The following BRD10 variants were observed in gnomAD, a reference collection of about 807,000 sequenced individuals.
BRD10 encodes uncharacterized bromodomain-containing protein 10.
chr9:5,884,663 T>G, the BRD10 span, among the ~76,000 whole-genome samples: 2 of 152,226 alleles, frequency 1.3e-5, no homozygotes, highest in Non-Finnish European at 1.5e-5. Flanking sequence ...ACCCCCACTG[T>G]ACCCTAGACA....
chr9:5,924,514 G>T, the BRD10 span: 1 of 450,620 alleles, frequency 2.2e-6, no homozygotes. Context: ...CTTCTTATAA[G>T]GATGTGGACA....
chr9:5,994,903 T>TTTTTTTTTC, the BRD10 span, among the ~76,000 whole-genome samples: 1 of 145,512 alleles, frequency 6.9e-6, no homozygotes. Flanking sequence ...TCATTTTTCT[T>TTTTTTTTTC]TTTTTTTTTT....
At chr9:5,991,268 C>G in the BRD10 span, among the ~76,000 whole-genome samples, 4 of 151,952 alleles carry the variant, frequency 2.6e-5, no homozygotes, top group Admixed American at 6.6e-5. Context: ...TGTACGCATA[C>G]ATCTAGTAGT....
the BRD10 span, among the ~76,000 whole-genome samples, chr9:5,999,765 CACCAAT>C: frequency 5.3e-5 from 8 of 152,174 alleles, no homozygotes; most frequent in Admixed American, 6.5e-5. Flanking sequence ...ATAACCTCTA[CACCAAT>C]TTAGTTTATC....
chr9:5,940,472 C>T, the BRD10 span, among the ~76,000 whole-genome samples: 1 of 152,176 alleles, frequency 6.6e-6, no homozygotes, highest in Non-Finnish European at 1.5e-5. Context: ...GGATTACAGG[C>T]GTGAGCCACC....
At chr9:5,966,220 T>C in the BRD10 span, among the ~76,000 whole-genome samples, 1 of 152,180 alleles carries the variant, frequency 6.6e-6, no homozygotes, top group African/African-American at 2.4e-5. Flanking sequence ...GCCTTCCAAG[T>C]GTTTCTATTC....
At chr9:5,968,806 C>T in the BRD10 span, 1 of 1,613,898 alleles carries the variant, frequency 6.2e-7, no homozygotes, top group African/African-American at 1.3e-5. Context: ...CACCACAGAA[C>T]TGTGGAAAAT....
the BRD10 span, chr9:5,922,430 G>T: frequency 6.2e-7 from 1 of 1,613,912 alleles, no homozygotes; most frequent in African/African-American, 1.3e-5. Context: ...AGAGGTTACA[G>T]GCGACAAAGG....
the BRD10 span, among the ~76,000 whole-genome samples, chr9:5,998,351 T>A: frequency 6.6e-6 from 1 of 152,110 alleles, no homozygotes; most frequent in Non-Finnish European, 1.5e-5. Context: ...AAAGTCTACA[T>A]ATATTAGTTA....
chr9:5,921,858 C>A, the BRD10 span: 1 of 1,613,962 alleles, frequency 6.2e-7, no homozygotes. Flanking sequence ...CCCAAATCAC[C>A]ACTGCCAGTG....
the BRD10 span, among the ~76,000 whole-genome samples, chr9:5,956,294 T>A: frequency 2.6e-5 from 4 of 152,140 alleles, no homozygotes; most frequent in African/African-American, 9.7e-5. Flanking sequence ...GCTAAGGTGG[T>A]TACTTGGTAT....
chr9:5,976,231 T>TA, the BRD10 span, among the ~76,000 whole-genome samples: 71 of 151,434 alleles, frequency 4.7e-4, no homozygotes, highest in African/African-American at 9.2e-4. Context: ...TTTTCAAAGC[T>TA]AAAAAAAAAT....
the BRD10 span, among the ~76,000 whole-genome samples, chr9:5,945,658 C>T: frequency 6.6e-6 from 1 of 152,012 alleles, no homozygotes; most frequent in Admixed American, 6.6e-5. Flanking sequence ...GGTTTAATTA[C>T]TAAAGTTTTA....
At chr9:5,888,088 T>C in the BRD10 span, among the ~76,000 whole-genome samples, 1 of 152,192 alleles carries the variant, frequency 6.6e-6, no homozygotes. Flanking sequence ...TCAGGTATTA[T>C]GGGAAAGGGG....
chr9:5,904,584 T>A, the BRD10 span, among the ~76,000 whole-genome samples: 1 of 152,080 alleles, frequency 6.6e-6, no homozygotes, highest in East Asian at 1.9e-4. Context: ...GTGATTCTCC[T>A]GTCTCAGCCT....
chr9:5,920,884 G>T, the BRD10 span: 1 of 1,613,956 alleles, frequency 6.2e-7, no homozygotes, highest in East Asian at 2.2e-5. Flanking sequence ...CAGTGTTTCC[G>T]AGACTTGATG....
chr9:5,938,726 CTATT>C, the BRD10 span, among the ~76,000 whole-genome samples: 2 of 152,062 alleles, frequency 1.3e-5, no homozygotes, highest in Admixed American at 1.3e-4. Flanking sequence ...GACAGTGTAA[CTATT>C]TAAAGGTAGA....
the BRD10 span, among the ~76,000 whole-genome samples, chr9:5,971,051 T>TAAAAA: frequency 3.9e-5 from 1 of 25,594 alleles, no homozygotes; most frequent in African/African-American, 1.5e-4. Context: ...AAGCAACGTC[T>TAAAAA]CAAAAAAAAA....
chr9:5,948,463 T>C, the BRD10 span, among the ~76,000 whole-genome samples: 1 of 151,868 alleles, frequency 6.6e-6, no homozygotes, highest in South Asian at 2.1e-4. Context: ...CAAGCAGCAA[T>C]GTATGTATGT....
Sources: gnomAD v4.1 joint callset for allele counts (sites outside exome capture counted in the v4.1 genomes callset) on GRCh38, gnomAD v4.1.1 for gene constraint, MANE v1.5 for transcripts, NCBI Gene and HGNC (gene_info 2026-07-23, HGNC 2026-07-21) for gene names.